The following TMEM248 variants were observed in gnomAD, a reference collection of about 807,000 sequenced individuals.
TMEM248 encodes the protein transmembrane protein 248.
TMEM248 carries 9 observed loss-of-function variants against 30.3 expected under a neutral mutation model. The observed-to-expected ratio is 0.30, with a 90% CI of 0.18 to 0.52. The LOEUF is 0.52. Among genes scored for constraint, TMEM248 ranks in the 20% least tolerant of loss-of-function variants. TMEM248 has a pLI of 0.97. For synonymous variants in TMEM248, 184 were observed against 154.4 expected, an observed-to-expected ratio of 1.19 and a Z score of -1.42; for missense variants, 338 against 403.3, an observed-to-expected ratio of 0.84 and a Z score of 1.39.
rs773821828 is a variant in TMEM248, at chr7:66,948,551, A to C, written c.453A>C (p.Glu151Asp). 2 of 1,613,496 alleles carry C rather than the reference A, an allele frequency of 1.2e-6. No homozygotes were observed. Among genetic ancestry groups the C allele is most frequent in the South Asian group, 2.2e-5 (2 of 90,946 alleles). ...ATGATTTCTCTTTCATAGGCAGGGA[A>C]GCCCACGAGGAGATAAACATCACCT... ...LGHQIGLSGR[E>D]AHEEINITFT... The change falls in exon 4 of 7, where the codon GAA becomes GAC. Residue 151 changes from glutamate (E) to aspartate (D), a missense_variant. By Grantham distance (45) the Glu-to-Asp change is conservative. Coordinates refer to ENST00000341567, the MANE Select transcript of TMEM248 (RefSeq NM_017994.5).
chr7:66,926,357 C>T (rs367911095), intron 1 of TMEM248, among the ~76,000 whole-genome samples: 6 of 152,200 alleles, frequency 3.9e-5, no homozygotes, highest in Non-Finnish European at 2.9e-5. Context: ...CCGTGGCTTA[C>T]GCCTGTAATG....
chr7:66,953,821 G>A (rs1401540534), intron 6 of TMEM248, among the ~76,000 whole-genome samples: 3 of 151,868 alleles, frequency 2.0e-5, no homozygotes, highest in South Asian at 2.1e-4. Context: ...GGCCAGGCTG[G>A]TCTCAAACTC....
chr7:66,923,365 C>T (rs1176819139), intron 1 of TMEM248, among the ~76,000 whole-genome samples: 3 of 152,084 alleles, frequency 2.0e-5, no homozygotes, highest in Admixed American at 2.0e-4. Context: ...AGGCCTTGAA[C>T]TCCTGACCTC....
At chr7:66,924,912 T>C (rs1307520001) in intron 1 of TMEM248, among the ~76,000 whole-genome samples, 4 of 151,534 alleles carry the variant, frequency 2.6e-5, no homozygotes, top group Non-Finnish European at 4.4e-5. Context: ...GGTTTCGCCA[T>C]GTTGGTCAGG....
At chr7:66,937,039 TGTA>T (rs1791822638) in intron 1 of TMEM248, among the ~76,000 whole-genome samples, 1 of 152,192 alleles carries the variant, frequency 6.6e-6, no homozygotes, top group South Asian at 2.1e-4. Context: ...TACTTTTTTA[TGTA>T]GGTGCTTATA....
chr7:66,929,348 T>C (rs1045773802), intron 1 of TMEM248, among the ~76,000 whole-genome samples: 2 of 151,966 alleles, frequency 1.3e-5, no homozygotes, highest in African/African-American at 4.8e-5. Flanking sequence ...ACGTTATTAT[T>C]GTTAAGCACC....
At chr7:66,926,845 T>G (rs896578511) in intron 1 of TMEM248, among the ~76,000 whole-genome samples, 2 of 152,206 alleles carry the variant, frequency 1.3e-5, no homozygotes, top group African/African-American at 4.8e-5. Flanking sequence ...TTTTTCTGCG[T>G]GTGATTACAT....
Position 66,946,562 on chromosome 7 carries a change from A to G in TMEM248, c.445+1301A>G, listed in dbSNP as rs1274716262. Among the ~76,000 whole-genome samples the G allele has an allele frequency of 4.6e-5, 7 of 151,922 alleles. No individual in the cohort carries two copies. The East Asian group carries it at 5.8e-4, about 13-fold the overall frequency. ...GCCACTGCACTCCAGTCTAGGCAAC[A>G]GAGTGAGACTTCACCTCAAAAAAAA... On this transcript the variant is annotated intron_variant, in intron 3 of 6. Transcript: ENST00000341567.
intron 1 of TMEM248, among the ~76,000 whole-genome samples, chr7:66,941,598 A>ACC (rs1444267298): frequency 6.8e-6 from 1 of 146,582 alleles, no homozygotes; most frequent in Non-Finnish European, 1.5e-5. Context: ...ACACACACAC[A>ACC]ATATTTAGAA....
chr7:66,948,831 C>T, intron 4 of TMEM248, 137 bp downstream of exon 4: 2 of 914,134 alleles, frequency 2.2e-6, no homozygotes, highest in African/African-American at 1.7e-5. Context: ...TCGGACCTAT[C>T]TAAAGGATTA....
At chr7:66,941,726 A>G (rs981558746) in intron 1 of TMEM248, 122 bp from the exon 2 acceptor site, 3 of 721,928 alleles carry the variant, frequency 4.2e-6, no homozygotes, top group African/African-American at 3.5e-5. Context: ...GACATTTCTC[A>G]AATTCAGTAA....
chr7:66,937,133 A>C (rs137992938), intron 1 of TMEM248, among the ~76,000 whole-genome samples: 24 of 152,016 alleles, frequency 1.6e-4, no homozygotes, highest in African/African-American at 4.6e-4. Context: ...CATTTGTTTC[A>C]AGACACTTTT....
chr7:66,921,719 TC>T (rs1202141804), intron 1 of TMEM248: 3 of 152,280 alleles, frequency 2.0e-5, no homozygotes, highest in East Asian at 1.9e-4. Context: ...TGGCGGGACT[TC>T]CCACGTCTGG....
At chr7:66,922,703 T>TCTAAGTGCAAA (rs369081872) in intron 1 of TMEM248, among the ~76,000 whole-genome samples, 2 of 151,620 alleles carry the variant, frequency 1.3e-5, no homozygotes, top group East Asian at 1.9e-4. Context: ...GAAAGGTAGA[T>TCTAAGTGCAAA]TATATATATA....
At chr7:66,944,103 CTT>C (rs397891070) in intron 2 of TMEM248, among the ~76,000 whole-genome samples, 7,868 of 112,132 alleles carry the variant, frequency 0.07, 260 homozygotes, top group Middle Eastern at 0.13. Context: ...CCTCAGATGG[CTT>C]TTTTTTTTTT....
At chr7:66,946,671 A>G (rs1202010046) in intron 3 of TMEM248, among the ~76,000 whole-genome samples, 1 of 152,236 alleles carries the variant, frequency 6.6e-6, no homozygotes, top group Admixed American at 6.5e-5. Flanking sequence ...ATGTTTATCA[A>G]GCACTTACAA....
intron 1 of TMEM248, among the ~76,000 whole-genome samples, chr7:66,936,686 G>A (rs1375319105): frequency 6.6e-6 from 1 of 152,134 alleles, no homozygotes; most frequent in African/African-American, 2.4e-5. Context: ...TCAGGTCTTG[G>A]TAGGTTGTGT....
At chr7:66,923,775 G>A (rs986998677) in intron 1 of TMEM248, among the ~76,000 whole-genome samples, 10 of 152,074 alleles carry the variant, frequency 6.6e-5, no homozygotes, top group East Asian at 1.9e-4. Context: ...GGGTTCAAGC[G>A]ATTCCTCAGC....
At chr7:66,929,524 C>T (rs1314850745) in intron 1 of TMEM248, among the ~76,000 whole-genome samples, 1 of 149,748 alleles carries the variant, frequency 6.7e-6, no homozygotes, top group East Asian at 2.0e-4. Context: ...GCAACCTCCG[C>T]CTCCCGGGTT....
Sources: gnomAD v4.1 joint callset for allele counts (sites outside exome capture counted in the v4.1 genomes callset) on GRCh38, gnomAD v4.1.1 for gene constraint, MANE v1.5 for transcripts, NCBI Gene and HGNC (gene_info 2026-07-23, HGNC 2026-07-21) for gene names.